PCDHA13: variants seen among roughly 807,000 people sequenced by gnomAD.
The protein encoded by PCDHA13 is protocadherin alpha-13.
PCDHA13 carries 54 observed loss-of-function variants against 64.8 expected under a neutral mutation model. The ratio of observed to expected loss-of-function variants is 0.83; its 90% confidence interval spans 0.67 to 1.04. PCDHA13 has a LOEUF of 1.04. Among genes scored for constraint, PCDHA13 ranks in the 50% least tolerant of loss-of-function variants. The pLI is 0.00. For synonymous variants in PCDHA13, 587 were observed against 564.4 expected (o/e 1.04, Z -0.57); for missense variants, 1,248 against 1,254.3 (o/e 0.99, Z 0.08).
rs547015879 is a variant in PCDHA13 at position 140,902,341 on chromosome 5, G to A, written c.2394+17679G>A. 1.8e-3 allele frequency among the ~76,000 whole-genome samples: 276 copies of A among 151,446 alleles called. 1 individual carries two copies. The highest frequency in any genetic ancestry group is 3.7e-3 in the Non-Finnish European group (250 of 67,812). The stretch of plus-strand genomic sequence containing the variant: ...GTGTAACTCACTTCGCCTGGCCTAG[G>A]AAGCCCTTTATTTCTTTCTCTTGTC... On this transcript the variant is annotated intron_variant, in intron 1 of 3. Transcript: ENST00000289272.
chr5:140,966,351 T>C (rs2095993357), intron 1 of PCDHA13: 1 of 397,668 alleles, frequency 2.5e-6, no homozygotes, highest in South Asian at 1.4e-4. Flanking sequence ...GTGAAGGAGA[T>C]GGGGCTGGAG....
chr5:140,917,417 C>T (rs1163543772), intron 1 of PCDHA13, among the ~76,000 whole-genome samples: 1 of 152,082 alleles, frequency 6.6e-6, no homozygotes, highest in African/African-American at 2.4e-5. Flanking sequence ...TAATTAGGCC[C>T]CATTTGCCAA....
chr5:140,961,025 C>G (rs1283958205), intron 1 of PCDHA13, among the ~76,000 whole-genome samples: 1 of 152,150 alleles, frequency 6.6e-6, no homozygotes, highest in African/African-American at 2.4e-5. Context: ...CACTTGCTAC[C>G]TCCTTGTTTT....
At chr5:140,916,933 A>G (rs1554197692) in intron 1 of PCDHA13, among the ~76,000 whole-genome samples, 3 of 152,162 alleles carry the variant, frequency 2.0e-5, no homozygotes, top group Non-Finnish European at 4.4e-5. Context: ...ACTTAAGCAT[A>G]TAGTGGTGAG....
intron 1 of PCDHA13, among the ~76,000 whole-genome samples, chr5:140,898,963 G>A (rs1411271866): frequency 6.6e-6 from 1 of 152,070 alleles, no homozygotes; most frequent in Non-Finnish European, 1.5e-5. Context: ...TTGTGAATGG[G>A]AGTTCACTCA....
chr5:140,905,342 TGTAA>T (rs2071759657), intron 1 of PCDHA13, among the ~76,000 whole-genome samples: 1 of 152,234 alleles, frequency 6.6e-6, no homozygotes, highest in Non-Finnish European at 1.5e-5. Context: ...ATCAGTTGGC[TGTAA>T]GTATTTGACT....
Position 140,882,816 on chromosome 5 carries a change from A to C in PCDHA13, c.548A>C (p.Gln183Pro). 3 of 1,614,266 alleles carry C rather than the reference A, an allele frequency of 1.9e-6. No homozygotes were observed. The highest frequency in any genetic ancestry group is 2.5e-6 in the Non-Finnish European group (3 of 1,180,052). Residue 183 changes from glutamine (Q) to proline (P), a missense_variant, in exon 1 of 4, where the codon CAA becomes CCA. Gln to Pro is a moderately conservative substitution (Grantham distance 76). Transcript: ENST00000289272. ...DPNDYFTLDAQNSLEQMSSLS... is the reference protein window; with the variant it reads ...DPNDYFTLDAPNSLEQMSSLS... ...AACGATTATTTCACTTTGGACGCAC[A>C]AAACAGTCTTGAGCAAATGTCTTCA...
chr5:140,954,046 G>C (rs1554221229), intron 1 of PCDHA13, among the ~76,000 whole-genome samples: 1 of 152,124 alleles, frequency 6.6e-6, no homozygotes, highest in African/African-American at 2.4e-5. Context: ...TTGGTTTTCT[G>C]TTCCTGCATT....
intron 1 of PCDHA13, among the ~76,000 whole-genome samples, chr5:140,946,325 A>G (rs2093929113): frequency 6.6e-6 from 1 of 151,932 alleles, no homozygotes; most frequent in Non-Finnish European, 1.5e-5. Context: ...TGAAAGAGGA[A>G]AGATAACAAG....
At chr5:140,944,566 A>G (rs782290531) in intron 1 of PCDHA13, among the ~76,000 whole-genome samples, 37 of 152,182 alleles carry the variant, frequency 2.4e-4, no homozygotes, top group African/African-American at 7.5e-4. Context: ...CTGGCAACTT[A>G]CTGTAGAGAT....
At chr5:140,895,435 C>T (rs2065005335) in intron 1 of PCDHA13, among the ~76,000 whole-genome samples, 2 of 152,134 alleles carry the variant, frequency 1.3e-5, no homozygotes, top group African/African-American at 4.8e-5. Context: ...CCTCCTGAGA[C>T]TCTTTTCATG....
chr5:140,997,107 C>T (rs1346636277), intron 3 of PCDHA13, among the ~76,000 whole-genome samples: 3 of 152,094 alleles, frequency 2.0e-5, no homozygotes, highest in African/African-American at 7.2e-5. Flanking sequence ...TCATGCACTC[C>T]TGCTCTCCCA....
chr5:140,957,346 G>C (rs1027225386), intron 1 of PCDHA13, among the ~76,000 whole-genome samples: 7 of 152,080 alleles, frequency 4.6e-5, no homozygotes, highest in Non-Finnish European at 8.8e-5. Flanking sequence ...TTTTGAGAGA[G>C]AGACCACATT....
intron 1 of PCDHA13, among the ~76,000 whole-genome samples, chr5:140,901,060 AT>A (rs542927280): frequency 1.3e-5 from 2 of 151,130 alleles, no homozygotes; most frequent in East Asian, 3.9e-4. Flanking sequence ...AGATTATTAG[AT>A]TTTTTTTTCT....
In PCDHA13 at chr5:140,969,065, A is replaced by G. The variant is rs1554231418; in HGVS notation, c.2395-9884A>G. 4.3e-6 allele frequency: 7 copies of G among 1,614,188 alleles called. No individual in the cohort carries two copies. The East Asian group carries it at 1.6e-4, about 36-fold the overall frequency. On this transcript the variant is annotated intron_variant, in intron 1 of 3. Coordinates refer to ENST00000289272, the MANE Select transcript of PCDHA13 (RefSeq NM_018904.3). ...ACAAGCCAACAACAATATTGATGCC[A>G]GGATACCGCATGGCCTCAAAGTGCA...
At chr5:141,005,632 G>C (rs2098225457) in intron 3 of PCDHA13, among the ~76,000 whole-genome samples, 2 of 148,162 alleles carry the variant, frequency 1.3e-5, no homozygotes, top group Non-Finnish European at 3.0e-5. Context: ...AACCCGGGAG[G>C]CGGAGCTTGC....
At chr5:140,921,244 A>G (rs1167584267) in intron 1 of PCDHA13, among the ~76,000 whole-genome samples, 1 of 152,180 alleles carries the variant, frequency 6.6e-6, no homozygotes, top group African/African-American at 2.4e-5. Flanking sequence ...TAAGCCACAG[A>G]TCAAAAAGTC....
In PCDHA13 at chr5:140,882,621, A is replaced by T. The variant is rs374336585; in HGVS notation, c.353A>T (p.His118Leu). ...GTGGACAGGCCTCTGCAGGTTTTCC[A>T]TGTGGAGGTGAAGGTGAGGGACATT... ...VIVDRPLQVFHVEVKVRDIND... is the reference protein window; with the variant it reads ...VIVDRPLQVFLVEVKVRDIND... Residue 118 changes from histidine to leucine, a missense_variant, in exon 1 of 4, where the codon CAT becomes CTT. Physicochemically the swap from His to Leu is moderately conservative, Grantham distance 99. Coordinates refer to ENST00000289272, the MANE Select transcript of PCDHA13 (RefSeq NM_018904.3). The T allele has an allele frequency of 6.2e-7, 1 of 1,614,094 alleles. No homozygotes were observed. Among genetic ancestry groups the T allele is most frequent in the African/African-American group, 1.3e-5 (1 of 74,914 alleles).
intron 1 of PCDHA13, among the ~76,000 whole-genome samples, chr5:140,896,499 A>G (rs1029698205): frequency 6.6e-6 from 1 of 150,502 alleles, no homozygotes; most frequent in African/African-American, 2.4e-5. Flanking sequence ...AGTAGCTGGG[A>G]CTGTGCAGGC....
Sources: gnomAD v4.1 joint callset for allele counts (sites outside exome capture counted in the v4.1 genomes callset) on GRCh38, gnomAD v4.1.1 for gene constraint, MANE v1.5 for transcripts, NCBI Gene and HGNC (gene_info 2026-07-23, HGNC 2026-07-21) for gene names.